Variants in TRIML2 observed in about 807,000 individuals in gnomAD.
TRIML2 encodes the protein tripartite motif family like 2.
TRIML2 carries 28 observed loss-of-function variants against 31.2 expected under a neutral mutation model. The ratio of observed to expected loss-of-function variants is 0.90; its 90% CI spans 0.66 to 1.23. The LOEUF (loss-of-function observed/expected upper bound fraction) is 1.23, where lower values mean the gene tolerates loss of function less well. Ranked by LOEUF, TRIML2 falls within the 50% of genes most tolerant of loss-of-function variation. TRIML2 has a pLI of 0.00. For missense variants in TRIML2, 536 were observed against 528.3 expected (o/e 1.01, Z -0.14); for synonymous variants, 187 against 197.5 (o/e 0.95, Z 0.45).
rs141454212 is a variant in TRIML2 at position 188,099,102 on chromosome 4, C to A, written c.554G>T (p.Arg185Leu). The stretch of plus-strand genomic sequence containing the variant: ...CTCCACGATGAGCTTTAGGAGGCTG[C>A]GGACCTGTTCAGAAGCCCTGGCTTC... ...ESEARASEQV[R>L]SLLKLIVELE... The change falls in exon 5 of 8, where the codon CGC (arginine) becomes CTC (leucine). Residue 185 changes from arginine to leucine, a missense_variant. Physicochemically the swap from Arg to Leu is moderately radical, Grantham distance 102. Coordinates refer to ENST00000682553, the MANE Select transcript of TRIML2 (RefSeq NM_173553.4). 2 of 1,613,970 alleles carry A rather than the reference C, an allele frequency of 1.2e-6. No homozygotes were observed. Among genetic ancestry groups the A allele is most frequent in the African/African-American group, 1.3e-5 (1 of 74,912 alleles).
intron 1 of TRIML2, chr4:188,106,086 G>T (rs1187646411): frequency 6.6e-6 from 1 of 151,116 alleles, no homozygotes; most frequent in Non-Finnish European, 1.5e-5. Context: ...GTCTCGCTCT[G>T]TCACCCAGGC....
chr4:188,097,521 A>G (rs956955914), intron 5 of TRIML2, among the ~76,000 whole-genome samples, 175 bp from the exon 6 acceptor site: 1 of 152,174 alleles, frequency 6.6e-6, no homozygotes, highest in African/African-American at 2.4e-5. Flanking sequence ...AGTCAGAAAA[A>G]TGCATGAAAT....
At chr4:188,098,634 T>C (rs77496937) in intron 5 of TRIML2, 23,366 of 208,910 alleles carry the variant, frequency 0.11, 2,254 homozygotes, top group East Asian at 0.51. Context: ...TGTGTATATA[T>C]ACTTATTATC....
intron 7 of TRIML2, 24 bp downstream of exon 7, chr4:188,097,037 G>C: frequency 6.8e-7 from 1 of 1,480,424 alleles, no homozygotes; most frequent in Non-Finnish European, 9.4e-7. Context: ...AGTGCCCTGT[G>C]AGTATTCACA....
At position 188,097,878 on chromosome 4, in the gene TRIML2, T is replaced by C. The variant is rs568112560; in HGVS notation, c.622-532A>G. 1.6e-3 allele frequency among the ~76,000 whole-genome samples: 246 copies of C among 152,232 alleles called. 1 individual carries two copies. Among genetic ancestry groups the C allele is most frequent in the African/African-American group, 5.7e-3 (235 of 41,548 alleles). ...GGCTCATGCCTGTAATCCCAGCACT[T>C]TGGGAGGCCAAGGTGGGCGTATAAC... On this transcript the variant is annotated intron_variant, in intron 5 of 7. Transcript: ENST00000682553.
intron 7 of TRIML2, among the ~76,000 whole-genome samples, chr4:188,096,238 T>C (rs553686988): frequency 1.9e-4 from 29 of 150,850 alleles, no homozygotes; most frequent in African/African-American, 6.8e-4. Context: ...GTCTCTACCA[T>C]AAATACAAAA....
intron 7 of TRIML2, 108 bp from the exon 8 acceptor site, chr4:188,092,049 G>T: frequency 8.6e-7 from 1 of 1,169,120 alleles, no homozygotes; most frequent in Non-Finnish European, 1.2e-6. Context: ...CAAGTCCCAG[G>T]CCCAGATACG....
At chr4:188,104,306 A>T (rs1733930360) in intron 3 of TRIML2, among the ~76,000 whole-genome samples, 1 of 152,156 alleles carries the variant, frequency 6.6e-6, no homozygotes, top group African/African-American at 2.4e-5. Context: ...CTTTTCTGCA[A>T]ACTCTTATTT....
At chr4:188,105,146 A>G in intron 2 of TRIML2, 34 bp downstream of exon 2, 1 of 1,586,684 alleles carries the variant, frequency 6.3e-7, no homozygotes, top group Non-Finnish European at 8.6e-7. Context: ...GGAGTTGGCC[A>G]GAGTGTTTTG....
chr4:188,092,863 C>CCA (rs1302086439), intron 7 of TRIML2: 1 of 456,604 alleles, frequency 2.2e-6, no homozygotes, highest in South Asian at 1.5e-5. Flanking sequence ...CTGTTCCTCT[C>CCA]ATCTCTTTCT....
chr4:188,097,410 C>T, intron 5 of TRIML2, 64 bp from the exon 6 acceptor site: 1 of 1,480,530 alleles, frequency 6.8e-7, no homozygotes, highest in Non-Finnish European at 9.4e-7. Context: ...AATCTGTGCC[C>T]AGGAAAATAT....
rs764691554 is a variant in TRIML2 at position 188,091,533 on chromosome 4, T to C, written c.1154A>G (p.Asn385Ser). ...DCEHGQISFY[N>S]VTEMSLIYNF... The stretch of plus-strand genomic sequence containing the variant: ...GTAAATGAGGGACATCTCGGTCACA[T>C]TGTAGAATGATATCTGCCCGTGTTC... The change falls in exon 8 of 8, where the codon AAT becomes AGT. Residue 385 changes from asparagine (N) to serine (S), a missense_variant. Physicochemically the swap from Asn to Ser is conservative, Grantham distance 46 (BLOSUM62 1). Transcript: ENST00000682553. 4 of 1,614,000 alleles carry C rather than the reference T, an allele frequency of 2.5e-6. No homozygotes were observed. The African/African-American group carries it at 4.0e-5, about 16-fold the overall frequency.
At chr4:188,101,322 G>A in intron 3 of TRIML2, 72 bp from the exon 4 acceptor site, 1 of 838,762 alleles carries the variant, frequency 1.2e-6, no homozygotes. Flanking sequence ...CGTCATAATA[G>A]ATAGATATCT....
chr4:188,097,402 T>A, intron 5 of TRIML2, 56 bp from the exon 6 acceptor site: 1 of 1,552,922 alleles, frequency 6.4e-7, no homozygotes. Context: ...GTTTTTGCAA[T>A]CTGTGCCCAG....
At position 188,102,849 on chromosome 4, in the gene TRIML2, CA is replaced by C. The variant is rs566736942; in HGVS notation, c.286-1600del. 8.3e-3 allele frequency among the ~76,000 whole-genome samples: 695 copies of C among 83,344 alleles called. 6 individuals are homozygous for C. Among genetic ancestry groups the C allele is most frequent in the African/African-American group, 0.018 (430 of 23,252 alleles). The allele number at this position is 83,344 out of a possible 152,430, so 54.7% of individuals were successfully genotyped here. A position where few individuals can be genotyped will look rare whatever the true frequency, so the allele number is the denominator to read the frequency against. ...GGGTAACAAGAACGAAACTTCATCTCAAAAAAAAAAAAAAAAAGATTCAATG... is the reference window on the plus strand; with the variant it reads ...GGGTAACAAGAACGAAACTTCATCTCAAAAAAAAAAAAAAAAGATTCAATG... On this transcript the variant is annotated intron_variant, in intron 3 of 7. Coordinates refer to ENST00000682553, the MANE Select transcript of TRIML2 (RefSeq NM_173553.4).
At chr4:188,094,282 A>G (rs1046644622) in intron 7 of TRIML2, among the ~76,000 whole-genome samples, 1 of 152,188 alleles carries the variant, frequency 6.6e-6, no homozygotes, top group Non-Finnish European at 1.5e-5. Context: ...CAGTATAATA[A>G]GGCAAGAAAA....
chr4:188,095,572 C>T (rs778077521), intron 7 of TRIML2, among the ~76,000 whole-genome samples: 3 of 152,162 alleles, frequency 2.0e-5, no homozygotes, highest in Non-Finnish European at 4.4e-5. Context: ...ACCCATCTAT[C>T]GGGTCGGATG....
chr4:188,106,818 GC>G, intron 1 of TRIML2: 1 of 246,794 alleles, frequency 4.1e-6, no homozygotes, highest in Non-Finnish European at 8.5e-6. Flanking sequence ...TGCTAAGGTG[GC>G]CAAGCGAGAA....
intron 1 of TRIML2, among the ~76,000 whole-genome samples, chr4:188,107,817 C>T (rs35496245): frequency 0.49 from 74,012 of 151,420 alleles, 18,836 homozygotes; most frequent in South Asian, 0.6. Flanking sequence ...TAAGAGAGAG[C>T]TATAGATCCA....
Sources: allele counts gnomAD v4.1 joint callset (sites outside exome capture counted in the v4.1 genomes callset), GRCh38; gene constraint gnomAD v4.1.1; transcripts MANE v1.5; gene names NCBI Gene and HGNC (gene_info 2026-07-23, HGNC 2026-07-21).